MCM10: variants seen among roughly 807,000 people sequenced by gnomAD.
The protein encoded by MCM10 is protein MCM10 homolog.
A neutral mutation model predicts 109.9 loss-of-function variants in MCM10; 91 were observed. The observed-to-expected ratio is 0.83, with a 90% CI of 0.70 to 0.99. The LOEUF (loss-of-function observed/expected upper bound fraction) is 0.99. Ranked by LOEUF, MCM10 falls within the 50% of genes least tolerant of loss-of-function variation. The pLI is 0.00. For missense variants in MCM10, 1,077 were observed against 1,061.2 expected, an observed-to-expected ratio of 1.01 and a Z score of -0.21; for synonymous variants, 380 against 387.2, an observed-to-expected ratio of 0.98 and a Z score of 0.22.
chr10:13,183,496 C>T (rs1834235862), intron 8 of MCM10, among the ~76,000 whole-genome samples: 1 of 152,126 alleles, frequency 6.6e-6, no homozygotes, highest in Non-Finnish European at 1.5e-5. Context: ...GAAAATAAGT[C>T]ATGCTTTTAT....
chr10:13,186,220 C>G lies in MCM10; in HGVS notation c.1155C>G (p.Asp385Glu). 2 of 1,613,334 alleles carry G rather than the reference C, an allele frequency of 1.2e-6. No homozygotes were observed. Among genetic ancestry groups the G allele is most frequent in the Non-Finnish European group, 1.7e-6 (2 of 1,179,494 alleles). The change falls in exon 9 of 20, where the codon GAC (aspartate) becomes GAG (glutamate). Residue 385 changes from aspartate to glutamate, a missense_variant. By Grantham distance (45) the Asp-to-Glu change is conservative. Transcript: ENST00000378714. ...TCTTAATTATGGGTGAAGCTCTTGA[C>G]CTGGGAACCTGTAAAGCCAAGAAGA... is the stretch of plus-strand genomic sequence containing the variant. ...QKVLIMGEAL[D>E]LGTCKAKKKN...
At chr10:13,196,204 C>T (rs186442998) in intron 14 of MCM10, among the ~76,000 whole-genome samples, 1 of 152,256 alleles carries the variant, frequency 6.6e-6, no homozygotes, top group East Asian at 1.9e-4. Flanking sequence ...CTGTGCCTAA[C>T]CAAGAATCCT....
intron 13 of MCM10, 30 bp downstream of exon 13, chr10:13,192,598 T>C: frequency 6.3e-7 from 1 of 1,597,690 alleles, no homozygotes; most frequent in Admixed American, 1.7e-5. Context: ...TATTCCCCGC[T>C]TGGGTCATCC....
At chr10:13,174,555 T>C (rs560667130) in intron 5 of MCM10, among the ~76,000 whole-genome samples, 1 of 152,306 alleles carries the variant, frequency 6.6e-6, no homozygotes, top group Admixed American at 6.5e-5. Flanking sequence ...ATCAGTATTA[T>C]AGAGTGGAAC....
chr10:13,206,809 T>A (rs532949457), intron 18 of MCM10, among the ~76,000 whole-genome samples: 1 of 151,470 alleles, frequency 6.6e-6, no homozygotes, highest in East Asian at 1.9e-4. Flanking sequence ...TTTTTTTTTT[T>A]TCCTTCTTTT....
In MCM10 at chr10:13,210,323, A is replaced by G. The variant is rs1834644328; in HGVS notation, c.*1013A>G. The G allele has an allele frequency of 6.6e-6, 1 of 151,966 alleles. No homozygotes were observed. The highest frequency in any genetic ancestry group is 1.5e-5 in the Non-Finnish European group (1 of 68,020). The allele number at this position is 151,966 out of a possible 1,614,324, so 9.4% of individuals were successfully genotyped here. ...ACCCACCTCTGTTTCCAAAAAAAAAAAAAAAATGAAAGGTCAACCCCTATG... is the reference window on the plus strand; with the variant it reads ...ACCCACCTCTGTTTCCAAAAAAAAAGAAAAAATGAAAGGTCAACCCCTATG... On this transcript the variant is annotated 3_prime_UTR_variant, in exon 20 of 20. Transcript: ENST00000378714.
In MCM10 at chr10:13,209,305, A is replaced by C; in HGVS notation, c.2620A>C (p.Lys874Gln). The change falls in exon 20 of 20, where the codon AAA becomes CAA. Residue 874 changes from lysine to glutamine, a missense_variant. Physicochemically the swap from Lys to Gln is moderately conservative, Grantham distance 53. Transcript: ENST00000378714. ...EEHAKFLNSLK is the reference protein window; with the variant it reads ...EEHAKFLNSLQ The stretch of plus-strand genomic sequence containing the variant: ...ACATGCTAAATTTCTGAACAGCCTT[A>C]AATAACCCGAACTTCAGACATTTTC... 1 of 1,612,844 alleles carries C rather than the reference A, an allele frequency of 6.2e-7. No homozygotes were observed. Among genetic ancestry groups the C allele is most frequent in the African/African-American group, 1.3e-5 (1 of 75,014 alleles).
chr10:13,189,262 GGA>G (rs1183439534), intron 10 of MCM10, among the ~76,000 whole-genome samples, 182 bp downstream of exon 10: 2 of 152,060 alleles, frequency 1.3e-5, no homozygotes, highest in South Asian at 2.1e-4. Flanking sequence ...AAAACTTTCA[GGA>G]GAGAGAGAGA....
At position 13,201,435 on chromosome 10, in the gene MCM10, G is replaced by C. The variant is rs772322809; in HGVS notation, c.2253G>C (p.Met751Ile). 3 of 1,612,184 alleles carry C rather than the reference G, an allele frequency of 1.9e-6. No homozygotes were observed. The African/African-American group carries it at 4.0e-5, about 22-fold the overall frequency. Residue 751 changes from methionine to isoleucine, a missense_variant, in exon 17 of 20, where the codon ATG becomes ATC. Met to Ile is a conservative substitution (Grantham distance 10). Transcript: ENST00000378714. ...TGTCATTCCAGGCCGAGGCTGAGAT[G>C]CAGGAGCGCTACTTTGAGCCACTGG... Reference protein sequence around the residue: ...TGILKEAEAEMQERYFEPLVK... With the variant: ...TGILKEAEAEIQERYFEPLVK...
chr10:13,162,174 C>G (rs956322093), intron 1 of MCM10, among the ~76,000 whole-genome samples: 1 of 152,060 alleles, frequency 6.6e-6, no homozygotes, highest in Non-Finnish European at 1.5e-5. Flanking sequence ...TTAGTGTGTT[C>G]CAGAAGGTGG....
rs1834089706 is a variant in MCM10 at position 13,172,663 on chromosome 10, G to A, written c.490G>A (p.Val164Ile). The change falls in exon 5 of 20, where the codon GTT becomes ATT. Residue 164 changes from valine (V) to isoleucine (I), a missense_variant. Val to Ile is a conservative substitution (Grantham distance 29). Coordinates refer to ENST00000378714, the MANE Select transcript of MCM10 (RefSeq NM_018518.5). This position sits in a 1 kb window ranked among gnomAD's most constrained non-coding sequence, Gnocchi z 5.2. Reference protein sequence around the residue: ...SPRPPLKERRVQRIQESTCFS... With the variant: ...SPRPPLKERRIQRIQESTCFS... ...CCGGCCACCTCTTAAGGAGAGGAGAGTTCAGAGAATTCAGGAGTCAACATG... is the reference window on the plus strand; with the variant it reads ...CCGGCCACCTCTTAAGGAGAGGAGAATTCAGAGAATTCAGGAGTCAACATG... The A allele has an allele frequency of 6.2e-7, 1 of 1,614,186 alleles. No individual in the cohort carries two copies. Among genetic ancestry groups the A allele is most frequent in the Non-Finnish European group, 8.5e-7 (1 of 1,180,022 alleles).
At position 13,210,045 on chromosome 10, in the gene MCM10, ATTT is replaced by A. The variant is rs144184902; in HGVS notation, c.*743_*745del. ...ATAGAAATATGTAAAATCTCATATTATTTTTTTTTTAATTTTTTTATTTTTTAT... is the reference window on the plus strand; with the variant it reads ...ATAGAAATATGTAAAATCTCATATTATTTTTTTAATTTTTTTATTTTTTAT... On this transcript the variant is annotated 3_prime_UTR_variant, in exon 20 of 20. Coordinates refer to ENST00000378714, the MANE Select transcript of MCM10 (RefSeq NM_018518.5). 6.7e-6 allele frequency: 1 copy of A among 149,852 alleles called. No individual in the cohort carries two copies. The highest frequency in any genetic ancestry group is 2.5e-5 in the African/African-American group (1 of 40,762). The allele number at this position is 149,852 out of a possible 1,614,324, so 9.3% of individuals were successfully genotyped here. A position where few individuals can be genotyped will look rare whatever the true frequency, so the allele number is the denominator to read the frequency against.
intron 14 of MCM10, among the ~76,000 whole-genome samples, chr10:13,196,336 C>T (rs1218554440): frequency 1.3e-5 from 2 of 152,078 alleles, no homozygotes; most frequent in African/African-American, 4.8e-5. Flanking sequence ...CCCAATCGAG[C>T]CTCTCTCTTC....
At chr10:13,175,202 G>A (rs949074998) in intron 5 of MCM10, among the ~76,000 whole-genome samples, 1 of 152,130 alleles carries the variant, frequency 6.6e-6, no homozygotes, top group African/African-American at 2.4e-5. Flanking sequence ...GGGAGGCCTA[G>A]GTGGGTGGAT....
At chr10:13,192,713 C>A in intron 13 of MCM10, 145 bp downstream of exon 13, 1 of 702,090 alleles carries the variant, frequency 1.4e-6, no homozygotes. Context: ...TTCCCATAAC[C>A]TGAATAGCAT....
chr10:13,167,621 C>T (rs1364080064), intron 2 of MCM10, among the ~76,000 whole-genome samples: 1 of 151,972 alleles, frequency 6.6e-6, no homozygotes, highest in Admixed American at 6.6e-5. Context: ...TGATGATCAG[C>T]ACATGACAGT....
At chr10:13,169,917 GCTGGTCTTGAGCTC>G (rs1834048568) in intron 2 of MCM10, among the ~76,000 whole-genome samples, 1 of 152,068 alleles carries the variant, frequency 6.6e-6, no homozygotes, top group Non-Finnish European at 1.5e-5. Context: ...TCTTGGCCAG[GCTGGTCTTGAGCTC>G]CTGATGTCAG....
intron 1 of MCM10, among the ~76,000 whole-genome samples, chr10:13,162,907 A>G (rs1833946196): frequency 6.6e-6 from 1 of 152,076 alleles, no homozygotes; most frequent in African/African-American, 2.4e-5. Context: ...GTGAAACCCC[A>G]TCTCTACTAA....
intron 14 of MCM10, 69 bp from the exon 15 acceptor site, chr10:13,197,554 G>C: frequency 7.0e-7 from 1 of 1,427,380 alleles, no homozygotes; most frequent in South Asian, 1.3e-5. Flanking sequence ...AATAAAAAAG[G>C]GATCCAGGTC....
Sources: allele counts gnomAD v4.1 joint callset (sites outside exome capture counted in the v4.1 genomes callset), GRCh38; gene constraint gnomAD v4.1.1; non-coding constraint Gnocchi (gnomAD v3.1); transcripts MANE v1.5; gene names NCBI Gene and HGNC (gene_info 2026-07-23, HGNC 2026-07-21).